Variants in CYP2A13 observed in about 807,000 individuals in gnomAD.
CYP2A13 encodes the protein cytochrome P450 family 2 subfamily A member 13.
Under a neutral mutation model 39.4 loss-of-function variants are expected in CYP2A13, and 30 were observed. The observed-to-expected ratio is 0.76, with a 90% CI of 0.57 to 1.03. CYP2A13 has a LOEUF of 1.03. Ranked by LOEUF, CYP2A13 falls within the 50% of genes least tolerant of loss-of-function variation. The probability of loss-of-function intolerance (pLI) is 0.00; values close to 1 mark genes in which losing one functional copy is unlikely to be tolerated. For synonymous variants in CYP2A13, 269 were observed against 254.7 expected (o/e 1.06, Z -0.54); for missense variants, 731 against 648.4 (o/e 1.13, Z -1.38).
chr19:41,094,412 CG>C lies in CYP2A13; in HGVS notation c.1144del (p.Asp382IlefsTer18), dbSNP rs2144727884. The C allele has an allele frequency of 1.2e-6, 2 of 1,614,084 alleles. No homozygotes were observed. The highest frequency in any genetic ancestry group is 1.7e-6 in the Non-Finnish European group (2 of 1,180,004). On this transcript the variant is annotated frameshift_variant, in exon 7 of 9. Coordinates refer to ENST00000330436, the MANE Select transcript of CYP2A13 (RefSeq NM_000766.5). LOFTEE classifies it high-confidence loss of function. ...CAGGGTCAACAAGGACACCAAGTTT[CG>C]GGATTTCTTCCTCCCTAAGGTGCTG... is the stretch of plus-strand genomic sequence containing the variant. ...AHRVNKDTKFRDFFLPKGTEV... is the reference protein window; with the variant it reads ...AHRVNKDTKFXDFFLPKGTEV...
chr19:41,095,764 G>A lies in CYP2A13; in HGVS notation c.1308G>A (p.Lys436=). The change falls in exon 9 of 9, where the codon AAG becomes AAA. Residue 436 remains lysine, a synonymous_variant. Transcript: ENST00000330436. ...CCTCCTGCCTCTCCTCCTCAGGAAA[G>A]CGGTACTGTTTTGGAGAAGGCCTGG... The part of the protein sequence containing the change: ...SDAFVPFSIG[K]RYCFGEGLAR... The A allele has an allele frequency of 6.2e-7, 1 of 1,614,060 alleles. No individual in the cohort carries two copies. Among genetic ancestry groups the A allele is most frequent in the East Asian group, 2.2e-5 (1 of 44,876 alleles).
rs1441653927 is a variant in CYP2A13, at chr19:41,090,067, G to A, written c.364G>A (p.Glu122Lys). ...CCCAGGCGTGGCGTTCAGCAACGGGGAGCGCGCCAAGCAGCTCCGGCGCTT... is the reference window on the plus strand; with the variant it reads ...CCCAGGCGTGGCGTTCAGCAACGGGAAGCGCGCCAAGCAGCTCCGGCGCTT... ...KGYGVAFSNG[E>K]RAKQLRRFSI... The change falls in exon 3 of 9, where the codon GAG (glutamate) becomes AAG (lysine). Residue 122 changes from glutamate to lysine, a missense_variant. By Grantham distance (56) the Glu-to-Lys change is moderately conservative. Coordinates refer to ENST00000330436, the MANE Select transcript of CYP2A13 (RefSeq NM_000766.5). 1.2e-6 allele frequency: 2 copies of A among 1,612,886 alleles called. No homozygotes were observed. The highest frequency in any genetic ancestry group is 1.7e-6 in the Non-Finnish European group (2 of 1,179,680).
rs577832324 is a variant in CYP2A13, at chr19:41,095,023, G to A, written c.1226G>A (p.Arg409Gln). 1.4e-5 allele frequency: 23 copies of A among 1,614,034 alleles called. No individual in the cohort carries two copies. Among genetic ancestry groups the A allele is most frequent in the Middle Eastern group, 1.6e-4 (1 of 6,062 alleles). Residue 409 changes from arginine (R) to glutamine (Q), a missense_variant, in exon 8 of 9, where the codon CGG (arginine) becomes CAG (glutamine). Coordinates refer to ENST00000330436, the MANE Select transcript of CYP2A13 (RefSeq NM_000766.5). ...GACCCCAGGTTCTTCTCCAACCCCC[G>A]GGACTTCAATCCCCAGCACTTCCTG... Reference protein sequence around the residue: ...LRDPRFFSNPRDFNPQHFLDK... With the variant: ...LRDPRFFSNPQDFNPQHFLDK...
chr19:41,090,246 G>T, intron 3 of CYP2A13, 50 bp downstream of exon 3: 1 of 1,549,696 alleles, frequency 6.5e-7, no homozygotes, highest in Non-Finnish European at 8.7e-7. Flanking sequence ...CTTTCTGCCT[G>T]GGGATGGGGA....
At position 41,090,110 on chromosome 19, in the gene CYP2A13, G is replaced by A. The variant is rs199521387; in HGVS notation, c.407G>A (p.Arg136Lys). Reference sequence around the variant, plus strand: ...CGGCGCTTCTCCATCGCCACCCTAAGGGGTTTTGGCGTGGGCAAGCGCGGC... The same window carrying A: ...CGGCGCTTCTCCATCGCCACCCTAAAGGGTTTTGGCGTGGGCAAGCGCGGC... ...QLRRFSIATL[R>K]GFGVGKRGIE... The change falls in exon 3 of 9, where the codon AGG becomes AAG. Residue 136 changes from arginine (R) to lysine (K), a missense_variant. Coordinates refer to ENST00000330436, the MANE Select transcript of CYP2A13 (RefSeq NM_000766.5). 234 of 1,611,080 alleles carry A rather than the reference G, an allele frequency of 1.5e-4. No homozygotes were observed. Among genetic ancestry groups the A allele is most frequent in the Non-Finnish European group, 1.7e-4 (202 of 1,178,760 alleles).
chr19:41,094,332 C>CA lies in CYP2A13; in HGVS notation c.1062dup (p.Val355SerfsTer33), dbSNP rs762929559. The stretch of plus-strand genomic sequence containing the variant: ...CGGGCCAAGATGCCCTACACAGAGG[C>CA]AGTGATCCACGAGATCCAAAGATTT... On this transcript the variant is annotated frameshift_variant, in exon 7 of 9. Coordinates refer to ENST00000330436, the MANE Select transcript of CYP2A13 (RefSeq NM_000766.5). LOFTEE classifies it high-confidence loss of function. 8.1e-6 allele frequency: 13 copies of CA among 1,614,124 alleles called. No individual in the cohort carries two copies. The African/African-American group carries it at 1.6e-4, about 20-fold the overall frequency.
intron 7 of CYP2A13, 126 bp from the exon 8 acceptor site, chr19:41,094,833 T>C (rs947511477): frequency 9.3e-7 from 1 of 1,069,886 alleles, no homozygotes; most frequent in Non-Finnish European, 1.4e-6. Flanking sequence ...CCCTCAGAGG[T>C]CCCCAACTCC....
Position 41,088,989 on chromosome 19 carries a change from C to G in CYP2A13, c.241C>G (p.Leu81Val), listed in dbSNP as rs201261248. 1 of 1,613,950 alleles carries G rather than the reference C, an allele frequency of 6.2e-7. No individual in the cohort carries two copies. Among genetic ancestry groups the G allele is most frequent in the Non-Finnish European group, 8.5e-7 (1 of 1,179,882 alleles). ...IHLGPRRVVVLCGHDAVKEAL... is the reference protein window; with the variant it reads ...IHLGPRRVVVVCGHDAVKEAL... ...CTTGGGGCCCCGGCGGGTCGTGGTG[C>G]TGTGCGGACATGATGCCGTCAAGGA... Residue 81 changes from leucine (L) to valine (V), a missense_variant, in exon 2 of 9, where the codon CTG becomes GTG. By Grantham distance (32) the Leu-to-Val change is conservative. Coordinates refer to ENST00000330436, the MANE Select transcript of CYP2A13 (RefSeq NM_000766.5).
rs755523029 is a variant in CYP2A13, at chr19:41,094,954, C to T, written c.1162-5C>T. ...CATTACACACACCTTCCTCCTCCCT[C>T]CCAGGGCACTGAAGTGTTCCCTATG... On this transcript the variant is annotated splice_polypyrimidine_tract_variant and splice_region_variant and intron_variant, in intron 7 of 8. Coordinates refer to ENST00000330436, the MANE Select transcript of CYP2A13 (RefSeq NM_000766.5). 1.2e-6 allele frequency: 2 copies of T among 1,614,064 alleles called. No homozygotes were observed. Among genetic ancestry groups the T allele is most frequent in the Non-Finnish European group, 1.7e-6 (2 of 1,179,988 alleles).
intron 8 of CYP2A13, among the ~76,000 whole-genome samples, chr19:41,095,385 G>A (rs1027591821): frequency 1.3e-5 from 2 of 152,176 alleles, no homozygotes; most frequent in African/African-American, 2.4e-5. Flanking sequence ...CAGCACAGCA[G>A]TCATATTTGC....
intron 4 of CYP2A13, among the ~76,000 whole-genome samples, chr19:41,091,217 C>T (rs1378985310): frequency 6.6e-6 from 1 of 152,188 alleles, no homozygotes; most frequent in African/African-American, 2.4e-5. Context: ...GATAGGTAAA[C>T]ACCTCAACAG....
At chr19:41,094,910 C>A in intron 7 of CYP2A13, 49 bp from the exon 8 acceptor site, 1 of 1,606,864 alleles carries the variant, frequency 6.2e-7, no homozygotes, top group Non-Finnish European at 8.5e-7. Flanking sequence ...GTACTTTCAC[C>A]AATCCCCCCA....
intron 6 of CYP2A13, 89 bp downstream of exon 6, chr19:41,093,860 C>T (rs2031243077): frequency 2.0e-6 from 3 of 1,493,892 alleles, no homozygotes; most frequent in East Asian, 4.6e-5. Flanking sequence ...TCCCAGATCC[C>T]AGGACCCTGA....
At position 41,094,239 on chromosome 19, in the gene CYP2A13, C is replaced by T. The variant is rs868725186; in HGVS notation, c.974-6C>T. 6.2e-7 allele frequency: 1 copy of T among 1,613,628 alleles called. No homozygotes were observed. Among genetic ancestry groups the T allele is most frequent in the Non-Finnish European group, 8.5e-7 (1 of 1,179,674 alleles). On this transcript the variant is annotated splice_polypyrimidine_tract_variant and splice_region_variant and intron_variant, in intron 6 of 8. Coordinates refer to ENST00000330436, the MANE Select transcript of CYP2A13 (RefSeq NM_000766.5). ...GACACCTAAACACATTCCCCTCCTC[C>T]CCCAGCCAAGGTCCATGAGGAGATT...
At position 41,090,025 on chromosome 19, in the gene CYP2A13, A is replaced by G. The variant is rs746607856; in HGVS notation, c.344-22A>G. The stretch of plus-strand genomic sequence containing the variant: ...TCCCGCCGCCCCCTGACCTCTCTCC[A>G]CCCCCGCGTTCACCTCCCCAGGCGT... On this transcript the variant is annotated intron_variant, in intron 2 of 8. Transcript: ENST00000330436. 3.7e-6 allele frequency: 6 copies of G among 1,602,508 alleles called. No individual in the cohort carries two copies. In the Admixed American group the frequency reaches 8.5e-5, roughly 23 times the overall value.
chr19:41,088,959 A>T lies in CYP2A13; in HGVS notation c.211A>T (p.Ile71Phe). Residue 71 changes from isoleucine to phenylalanine, a missense_variant, in exon 2 of 9, where the codon ATT becomes TTT. By Grantham distance (21) the Ile-to-Phe change is conservative. Coordinates refer to ENST00000330436, the MANE Select transcript of CYP2A13 (RefSeq NM_000766.5). ...TGAGCGCTATGGCCCTGTGTTCACC[A>T]TTCACTTGGGGCCCCGGCGGGTCGT... ...ISERYGPVFT[I>F]HLGPRRVVVL... 2 of 1,613,926 alleles carry T rather than the reference A, an allele frequency of 1.2e-6. No homozygotes were observed. The highest frequency in any genetic ancestry group is 1.3e-5 in the African/African-American group (1 of 74,994).
At chr19:41,091,976 T>C (rs572758705) in intron 5 of CYP2A13, 68 bp downstream of exon 5, 3 of 1,590,468 alleles carry the variant, frequency 1.9e-6, no homozygotes, top group Admixed American at 1.7e-5. Context: ...GGGAGTGGGG[T>C]GGGCAGACGA....
chr19:41,089,199 C>T lies in CYP2A13; in HGVS notation c.343+108C>T. On this transcript the variant is annotated intron_variant, in intron 2 of 8. Transcript: ENST00000330436. ...CCCACTGGAGGCTATGGCAGAGCCC[C>T]CTGTCTGGTCTTCTCTCCCCATCTC... 1.9e-6 allele frequency: 3 copies of T among 1,541,058 alleles called. No individual in the cohort carries two copies. The South Asian group carries it at 3.8e-5, about 19-fold the overall frequency.
rs2031236215 is a variant in CYP2A13, at chr19:41,093,628, A to T, written c.832-2A>T. The T allele has an allele frequency of 8.1e-6, 13 of 1,613,968 alleles. No individual in the cohort carries two copies. The highest frequency in any genetic ancestry group is 1.0e-5 in the Non-Finnish European group (12 of 1,179,994). On this transcript the variant is annotated splice_acceptor_variant, in intron 5 of 8. Coordinates refer to ENST00000330436, the MANE Select transcript of CYP2A13 (RefSeq NM_000766.5). LOFTEE classifies it high-confidence loss of function. Reference sequence around the variant, plus strand: ...TTGGTCTAAACCGCCCTCTCCCTGCAGGAGGAGAAGAACCCCAACACAGAG... The same window carrying T: ...TTGGTCTAAACCGCCCTCTCCCTGCTGGAGGAGAAGAACCCCAACACAGAG...
Sources: gnomAD v4.1 joint callset for allele counts (sites outside exome capture counted in the v4.1 genomes callset) on GRCh38, gnomAD v4.1.1 for gene constraint, MANE v1.5 for transcripts, NCBI Gene and HGNC (gene_info 2026-07-23, HGNC 2026-07-21) for gene names.